OR7D2: variants seen among roughly 807,000 people sequenced by gnomAD.
OR7D2 encodes olfactory receptor family 7 subfamily D member 2.
For missense variants in OR7D2, 370 were observed against 384.1 expected (o/e 0.96, Z 0.31); for synonymous variants, 158 against 158.7 (o/e 1.00, Z 0.03).
rs1488445583 is a variant in OR7D2, at chr19:9,187,658, A to G, written c.*938A>G. ...CCCCCTCCCAACCTTTCTCCCTTCA[A>G]GTCACCAAAGTTCATTATATTGTTC... On this transcript the variant is annotated 3_prime_UTR_variant, in exon 3 of 3. Coordinates refer to ENST00000641288, the MANE Select transcript of OR7D2 (RefSeq NM_175883.4). 1 of 166,940 alleles carries G rather than the reference A, an allele frequency of 6.0e-6. No homozygotes were observed. Among genetic ancestry groups the G allele is most frequent in the Non-Finnish European group, 1.5e-5 (1 of 68,112 alleles). 10.3% of individuals were successfully genotyped at this position (166,940 alleles called of 1,614,324 possible).
intron 2 of OR7D2, among the ~76,000 whole-genome samples, chr19:9,183,477 TGTGTTGTTC>T (rs375276125): frequency 3.0e-4 from 46 of 152,056 alleles, no homozygotes; most frequent in African/African-American, 1.1e-3. Context: ...CAAGTCTTAC[TGTGTTGTTC>T]GGGCTGGTCT....
At chr19:9,179,475 G>A (rs1309826719) in intron 1 of OR7D2, among the ~76,000 whole-genome samples, 1 of 151,468 alleles carries the variant, frequency 6.6e-6, no homozygotes, top group East Asian at 2.0e-4. Context: ...GGGAGACAGA[G>A]GTTGCCATGA....
rs1339183040 is a variant in OR7D2, at chr19:9,186,965, C to G, written c.*245C>G. ...ACGGAGTCTCACTCTGTCTCCCAGG[C>G]TGGAGTGCAGTGGAGTGATCTCGGC... On this transcript the variant is annotated 3_prime_UTR_variant, in exon 3 of 3. Coordinates refer to ENST00000641288, the MANE Select transcript of OR7D2 (RefSeq NM_175883.4). 1 of 332,284 alleles carries G rather than the reference C, an allele frequency of 3.0e-6. No individual in the cohort carries two copies. The highest frequency in any genetic ancestry group is 5.5e-6 in the Non-Finnish European group (1 of 182,856). The allele number at this position is 332,284 out of a possible 1,614,324, so 20.6% of individuals were successfully genotyped here.
chr19:9,182,179 A>G (rs2050994366), intron 2 of OR7D2, among the ~76,000 whole-genome samples: 1 of 152,132 alleles, frequency 6.6e-6, no homozygotes, highest in African/African-American at 2.4e-5. Context: ...AATGTCCTTA[A>G]TTTGTTGAGG....
rs2050972520 is a variant in OR7D2, at chr19:9,179,020, A to C, written c.-208A>C. Reference sequence around the variant, plus strand: ...TAGAGAGGAGAGTTAGGATGACTTCATGACAAGTTCCATCTCCCCGCCTTT... The same window carrying C: ...TAGAGAGGAGAGTTAGGATGACTTCCTGACAAGTTCCATCTCCCCGCCTTT... On this transcript the variant is annotated 5_prime_UTR_variant, in exon 1 of 3. It removes an upstream start codon present in the reference 5' UTR. Transcript: ENST00000641288. The C allele has an allele frequency of 6.6e-6, 1 of 152,122 alleles. No homozygotes were observed. 9.4% of individuals were successfully genotyped at this position (152,122 alleles called of 1,614,324 possible). A position where few individuals can be genotyped will look rare whatever the true frequency, so the allele number is the denominator to read the frequency against.
rs756192065 is a variant in OR7D2 at position 9,186,606 on chromosome 19, G to A, written c.825G>A (p.Ser275=). The A allele has an allele frequency of 2.7e-5, 43 of 1,613,804 alleles. No individual in the cohort carries two copies. The highest frequency in any genetic ancestry group is 9.4e-5 in the African/African-American group (7 of 74,842). Residue 275 remains serine, a synonymous_variant, in exon 3 of 3, where the codon TCG becomes TCA. Coordinates refer to ENST00000641288, the MANE Select transcript of OR7D2 (RefSeq NM_175883.4). ...CTTCCCAGAAAATCTCCGTGGCCTC[G>A]GTGATGTACACTGTGGTCACCCCCA... ...THSSQKISVA[S]VMYTVVTPML... is the part of the protein sequence containing the mutation.
chr19:9,184,179 G>C (rs541483030), intron 2 of OR7D2, among the ~76,000 whole-genome samples: 1 of 151,890 alleles, frequency 6.6e-6, no homozygotes, highest in South Asian at 2.1e-4. Flanking sequence ...TGGATCACTT[G>C]AGGCCAGGAG....
rs1279577303 is a variant in OR7D2, at chr19:9,186,914, TA to T, written c.*196del. On this transcript the variant is annotated 3_prime_UTR_variant, in exon 3 of 3. Coordinates refer to ENST00000641288, the MANE Select transcript of OR7D2 (RefSeq NM_175883.4). Reference sequence around the variant, plus strand: ...GTACCAATTACCTGAATAGTGAACATAAGGCACTTTTTTTTCTTTTTTGAGA... The same window carrying T: ...GTACCAATTACCTGAATAGTGAACATAGGCACTTTTTTTTCTTTTTTGAGA... 6.3e-6 allele frequency: 3 copies of T among 477,530 alleles called. No individual in the cohort carries two copies. Among genetic ancestry groups the T allele is most frequent in the African/African-American group, 6.2e-5 (3 of 48,168 alleles). 29.6% of individuals were successfully genotyped at this position (477,530 alleles called of 1,614,324 possible).
Position 9,186,231 on chromosome 19 carries a change from C to T in OR7D2, c.450C>T (p.Leu150=). The part of the protein sequence containing the change: ...LCGLLVFVTW[L]IGVMTSLLHI... ...GCCTCCTGGTTTTTGTCACCTGGCTCATTGGTGTCATGACATCCCTCCTCC... is the reference window on the plus strand; with the variant it reads ...GCCTCCTGGTTTTTGTCACCTGGCTTATTGGTGTCATGACATCCCTCCTCC... Residue 150 remains leucine, a synonymous_variant, in exon 3 of 3, where the codon CTC becomes CTT. Transcript: ENST00000641288. The T allele has an allele frequency of 6.2e-7, 1 of 1,614,086 alleles. No individual in the cohort carries two copies. Among genetic ancestry groups the T allele is most frequent in the Non-Finnish European group, 8.5e-7 (1 of 1,179,968 alleles).
chr19:9,187,440 A>T lies in OR7D2; in HGVS notation c.*720A>T, dbSNP rs2051045983. The T allele has an allele frequency of 6.0e-6, 1 of 165,664 alleles. No individual in the cohort carries two copies. Among genetic ancestry groups the T allele is most frequent in the South Asian group, 2.1e-4 (1 of 4,828 alleles). 10.3% of individuals were successfully genotyped at this position (165,664 alleles called of 1,614,324 possible). ...GGCTGAGTAGTACTCCATTGTATAT[A>T]TCCTCGATATCTATATAGATATAGA... is the stretch of plus-strand genomic sequence containing the variant. On this transcript the variant is annotated 3_prime_UTR_variant, in exon 3 of 3. Coordinates refer to ENST00000641288, the MANE Select transcript of OR7D2 (RefSeq NM_175883.4).
intron 2 of OR7D2, among the ~76,000 whole-genome samples, chr19:9,184,303 A>T (rs972482755): frequency 1.2e-4 from 19 of 152,078 alleles, no homozygotes; most frequent in African/African-American, 4.3e-4. Context: ...AATCCCAGCT[A>T]CTCAAGAGGC....
Position 9,181,549 on chromosome 19 carries a change from G to T in OR7D2, c.-14+761G>T, listed in dbSNP as rs542192609. Among the ~76,000 whole-genome samples the T allele has an allele frequency of 1.1e-3, 158 of 150,398 alleles. 1 individual carries two copies. Among genetic ancestry groups the T allele is most frequent in the African/African-American group, 3.8e-3 (156 of 40,930 alleles). On this transcript the variant is annotated intron_variant, in intron 2 of 2. Transcript: ENST00000641288. ...AGCTCACTACAGCCTCAACCTCCTG[G>T]GCTCAGGCAATTCTCCTGCCTCAGC...
intron 2 of OR7D2, chr19:9,185,565 T>G: frequency 4.9e-6 from 1 of 205,796 alleles, no homozygotes; most frequent in Non-Finnish European, 9.6e-6. Context: ...CATATATACA[T>G]AGTTTTATTT....
chr19:9,183,558 G>A (rs28691244), intron 2 of OR7D2, among the ~76,000 whole-genome samples: 3,998 of 152,034 alleles, frequency 0.026, 184 homozygotes, highest in African/African-American at 0.091. Context: ...TATTACAGGC[G>A]TGAGCCACCA....
At chr19:9,185,665 T>A in intron 2 of OR7D2, 104 bp from the exon 3 acceptor site, 3 of 648,326 alleles carry the variant, frequency 4.6e-6, no homozygotes, top group Non-Finnish European at 7.9e-6. Flanking sequence ...CTCCCTGCAG[T>A]TGCAAATTCC....
At chr19:9,183,119 G>A (rs759456808) in intron 2 of OR7D2, 15 of 248,640 alleles carry the variant, frequency 6.0e-5, no homozygotes, top group Middle Eastern at 1.6e-3. Context: ...CACAGCCAGC[G>A]CAGCAGGGTC....
intron 2 of OR7D2, among the ~76,000 whole-genome samples, chr19:9,184,611 A>G (rs2051016676): frequency 6.6e-6 from 1 of 152,236 alleles, no homozygotes; most frequent in South Asian, 2.1e-4. Context: ...GCTCATGTTC[A>G]TTGCAGCATT....
Position 9,186,821 on chromosome 19 carries a change from T to A in OR7D2, c.*101T>A. 2.4e-6 allele frequency: 2 copies of A among 839,118 alleles called. No individual in the cohort carries two copies. The highest frequency in any genetic ancestry group is 1.8e-6 in the Non-Finnish European group (1 of 552,392). 52.0% of individuals were successfully genotyped at this position (839,118 alleles called of 1,614,324 possible). A position where few individuals can be genotyped will look rare whatever the true frequency, so the allele number is the denominator to read the frequency against. ...CTTTAAAATTAAAAACATTTTTTTA[T>A]ACTTTGAGAGTACAAATGCAGATTT... On this transcript the variant is annotated 3_prime_UTR_variant, in exon 3 of 3. Transcript: ENST00000641288.
rs761374360 is a variant in OR7D2, at chr19:9,186,166, C to G, written c.385C>G (p.Pro129Ala). The G allele has an allele frequency of 4.3e-6, 7 of 1,614,020 alleles. No homozygotes were observed. The African/African-American group carries it at 9.3e-5, about 22-fold the overall frequency. The change falls in exon 3 of 3, where the codon CCT becomes GCT. Residue 129 changes from proline (P) to alanine (A), a missense_variant. Pro to Ala is a conservative substitution (Grantham distance 27). Transcript: ENST00000641288. Reference protein sequence around the residue: ...AYDRFVAVCHPLHYMIIMNPH... With the variant: ...AYDRFVAVCHALHYMIIMNPH... ...TGACCGGTTTGTGGCTGTCTGCCAC[C>G]CTCTGCACTATATGATCATCATGAA...
Sources: allele counts gnomAD v4.1 joint callset (sites outside exome capture counted in the v4.1 genomes callset), GRCh38; gene constraint gnomAD v4.1.1; transcripts MANE v1.5; gene names NCBI Gene and HGNC (gene_info 2026-07-23, HGNC 2026-07-21).